PEAK1: variants seen among roughly 807,000 people sequenced by gnomAD.
The protein encoded by PEAK1 is inactive tyrosine-protein kinase PEAK1.
A neutral mutation model predicts 124.7 loss-of-function variants in PEAK1; 54 were observed. The ratio of observed to expected loss-of-function variants is 0.43; its 90% CI spans 0.35 to 0.54. The LOEUF is 0.54. Ranked by LOEUF, PEAK1 falls within the 20% of genes least tolerant of loss-of-function variation. The pLI, the probability that PEAK1 is intolerant of heterozygous loss-of-function variation, is 0.01. For synonymous variants in PEAK1, 719 were observed against 760.0 expected (o/e 0.95, Z 0.89); for missense variants, 2,046 against 2,134.5 (o/e 0.96, Z 0.82).
chr15:77,297,413 A>G (rs1385433736), intron 2 of PEAK1, among the ~76,000 whole-genome samples: 1 of 151,818 alleles, frequency 6.6e-6, no homozygotes, highest in Non-Finnish European at 1.5e-5. Context: ...TCCCCAAAGC[A>G]TATGTCACTT....
chr15:77,187,880 T>C (rs552875550), intron 6 of PEAK1, among the ~76,000 whole-genome samples: 58 of 152,196 alleles, frequency 3.8e-4, no homozygotes, highest in Non-Finnish European at 7.5e-4. Flanking sequence ...TTAAAGAACA[T>C]GTGGGTCACT....
exon 7 of PEAK1, chr15:77,100,661 G>T (rs959360583): frequency 1.3e-5 from 2 of 152,174 alleles, no homozygotes; most frequent in Admixed American, 1.3e-4. Context: ...GCATTCGCCT[G>T]ATCACTTTAT....
At chr15:77,390,555 C>T (rs1409205971) in intron 1 of PEAK1, among the ~76,000 whole-genome samples, 1 of 152,186 alleles carries the variant, frequency 6.6e-6, no homozygotes, top group Non-Finnish European at 1.5e-5. Context: ...TGTGGCTTCT[C>T]ATCTTCCTCA....
intron 7 of PEAK1, among the ~76,000 whole-genome samples, chr15:77,171,171 C>A (rs1333009594): frequency 1.3e-5 from 2 of 152,138 alleles, no homozygotes; most frequent in Non-Finnish European, 2.9e-5. Flanking sequence ...AAAAGCCAAA[C>A]ATTTCAACAT....
intron 2 of PEAK1, among the ~76,000 whole-genome samples, chr15:77,298,518 G>A (rs114418563): frequency 3.4e-4 from 52 of 151,720 alleles, no homozygotes; most frequent in African/African-American, 8.9e-4. Context: ...ACGCCCGGCC[G>A]GTATCCTTAA....
intron 7 of PEAK1, among the ~76,000 whole-genome samples, chr15:77,160,666 C>G (rs2055557214): frequency 6.6e-6 from 1 of 152,010 alleles, no homozygotes; most frequent in Non-Finnish European, 1.5e-5. Context: ...CAGAGTGAGA[C>G]TCTGTCTCAA....
intron 6 of PEAK1, among the ~76,000 whole-genome samples, chr15:77,184,485 T>C (rs2057437712): frequency 6.6e-6 from 1 of 152,138 alleles, no homozygotes; most frequent in South Asian, 2.1e-4. Context: ...CCAAGATAAA[T>C]AAAAACTTTT....
intron 6 of PEAK1, chr15:77,240,009 C>T (rs556155172): frequency 4.8e-5 from 11 of 227,220 alleles, no homozygotes; most frequent in Admixed American, 2.0e-4. Context: ...GCTGTGGATC[C>T]CAGAAATTAA....
At chr15:77,377,843 C>G (rs1361418494) in intron 1 of PEAK1, among the ~76,000 whole-genome samples, 1 of 152,138 alleles carries the variant, frequency 6.6e-6, no homozygotes, top group Admixed American at 6.5e-5. Context: ...ATTTACAACT[C>G]TTACCTGGTT....
chr15:77,205,342 T>C (rs116930296), intron 6 of PEAK1, among the ~76,000 whole-genome samples: 1,592 of 152,026 alleles, frequency 0.01, 17 homozygotes, highest in Middle Eastern at 0.041. Context: ...GTGTAGGATA[T>C]TGAGTTATGG....
At chr15:77,249,506 A>C (rs976035140) in intron 6 of PEAK1, among the ~76,000 whole-genome samples, 1 of 152,172 alleles carries the variant, frequency 6.6e-6, no homozygotes, top group Non-Finnish European at 1.5e-5. Context: ...TAGAAATCTG[A>C]TTCTATTCTC....
At chr15:77,327,368 A>C (rs1449176761) in intron 2 of PEAK1, among the ~76,000 whole-genome samples, 1 of 152,156 alleles carries the variant, frequency 6.6e-6, no homozygotes. Flanking sequence ...CAGTTAAATA[A>C]AGAAACAACC....
chr15:77,406,520 C>T (rs1022341307), intron 1 of PEAK1, among the ~76,000 whole-genome samples: 9 of 152,110 alleles, frequency 5.9e-5, no homozygotes, highest in Non-Finnish European at 1.0e-4. Flanking sequence ...ATAACTCAAC[C>T]CCTTTTATAA....
At chr15:77,178,511 G>T in intron 7 of PEAK1, 1 of 444,816 alleles carries the variant, frequency 2.2e-6, no homozygotes, top group Non-Finnish European at 4.0e-6. Flanking sequence ...TGCTATTAAG[G>T]TGTTATGGAT....
At chr15:77,256,784 C>G (rs921238203) in intron 5 of PEAK1, among the ~76,000 whole-genome samples, 5 of 151,996 alleles carry the variant, frequency 3.3e-5, no homozygotes, top group African/African-American at 7.2e-5. Context: ...GTGCAGGTTA[C>G]TTACATATGT....
chr15:77,123,234 A>C (rs1399464245), intron 9 of PEAK1, among the ~76,000 whole-genome samples: 2 of 152,156 alleles, frequency 1.3e-5, no homozygotes, highest in African/African-American at 4.8e-5. Context: ...CTTATGTGAA[A>C]TTTTTAGCAT....
At chr15:77,151,449 A>G (rs1317376730) in intron 8 of PEAK1, among the ~76,000 whole-genome samples, 1 of 151,992 alleles carries the variant, frequency 6.6e-6, no homozygotes. Flanking sequence ...ATTTTCTCCC[A>G]CTTTGTAGGT....
intron 5 of PEAK1, among the ~76,000 whole-genome samples, chr15:77,279,104 C>CGTGTGT (rs34561338): frequency 0.01 from 1,183 of 115,120 alleles, 8 homozygotes; most frequent in African/African-American, 0.017. Flanking sequence ...CTCGTGTGTG[C>CGTGTGT]GTGTGTGTGT....
At chr15:77,174,725 T>C in intron 7 of PEAK1, among the ~76,000 whole-genome samples, 1 of 152,184 alleles carries the variant, frequency 6.6e-6, no homozygotes, top group Non-Finnish European at 1.5e-5. Flanking sequence ...TACCAATGAC[T>C]TTCTTCACAG....
Sources: gnomAD v4.1 joint callset for allele counts (sites outside exome capture counted in the v4.1 genomes callset) on GRCh38, gnomAD v4.1.1 for gene constraint, MANE v1.5 for transcripts, NCBI Gene and HGNC (gene_info 2026-07-23, HGNC 2026-07-21) for gene names.